PDE4D: variants seen among roughly 807,000 people sequenced by gnomAD.
The protein encoded by PDE4D is 3',5'-cyclic-AMP phosphodiesterase 4D.
A neutral mutation model predicts 87.4 loss-of-function variants in PDE4D; 24 were observed. That is an observed-to-expected ratio of 0.27 (90% CI 0.20 to 0.39). The LOEUF (loss-of-function observed/expected upper bound fraction) is 0.39, where lower values mean the gene tolerates loss of function less well. PDE4D is among the 10% of genes least tolerant of loss of function. The pLI, the probability that PDE4D is intolerant of heterozygous loss-of-function variation, is 1.00. For missense variants in PDE4D, 714 were observed against 1,041.0 expected (o/e 0.69, Z 4.32); for synonymous variants, 384 against 383.2 (o/e 1.00, Z -0.02).
chr5:59,576,088 C>T (rs2153698165), intron 1 of PDE4D, among the ~76,000 whole-genome samples: 1 of 152,310 alleles, frequency 6.6e-6, no homozygotes, highest in East Asian at 1.9e-4. Flanking sequence ...TAACCATTCA[C>T]AGCTAGTTGC....
At chr5:59,492,899 C>T (rs918827134) in intron 1 of PDE4D, among the ~76,000 whole-genome samples, 4 of 152,086 alleles carry the variant, frequency 2.6e-5, no homozygotes, top group African/African-American at 9.7e-5. Flanking sequence ...TGCCTGCCAC[C>T]ATCCATATAA....
chr5:60,368,156 G>T (rs906125814), intron 1 of PDE4D, among the ~76,000 whole-genome samples: 1 of 152,110 alleles, frequency 6.6e-6, no homozygotes, highest in African/African-American at 2.4e-5. Flanking sequence ...AAATAACAAC[G>T]ATAAGTTTTC....
At chr5:60,447,083 C>T (rs1229137159) in intron 1 of PDE4D, among the ~76,000 whole-genome samples, 2 of 152,112 alleles carry the variant, frequency 1.3e-5, no homozygotes, top group African/African-American at 4.8e-5. Flanking sequence ...CACAGGAGCA[C>T]TTGCACACCA....
intron 1 of PDE4D, among the ~76,000 whole-genome samples, chr5:59,799,175 C>G (rs1291840963): frequency 6.6e-6 from 1 of 152,196 alleles, no homozygotes; most frequent in African/African-American, 2.4e-5. Flanking sequence ...TATTCACACA[C>G]CCAAGTAACC....
At position 60,199,941 on chromosome 5, in the gene PDE4D, C is replaced by T. The variant is rs963185019; in HGVS notation, c.-89-14254G>A. 2.6e-5 allele frequency among the ~76,000 whole-genome samples: 4 copies of T among 151,536 alleles called. 1 individual carries two copies. The highest frequency in any genetic ancestry group is 5.9e-5 in the Non-Finnish European group (4 of 67,750). Reference sequence around the variant, plus strand: ...TGTAATTCCTATTCTTTGCTTATGGCAAGAGAACAGAATTAGAGTATTAAA... The same window carrying T: ...TGTAATTCCTATTCTTTGCTTATGGTAAGAGAACAGAATTAGAGTATTAAA... On this transcript the variant is annotated intron_variant, in intron 1 of 16. Coordinates refer to the PDE4D transcript ENST00000502484.
At chr5:59,777,645 T>C (rs771658431) in intron 1 of PDE4D, among the ~76,000 whole-genome samples, 3 of 152,164 alleles carry the variant, frequency 2.0e-5, no homozygotes, top group Non-Finnish European at 4.4e-5. Flanking sequence ...TTAGATTATG[T>C]AGGTATTGAT....
At chr5:60,106,061 G>T (rs1776870951) in intron 2 of PDE4D, among the ~76,000 whole-genome samples, 1 of 152,022 alleles carries the variant, frequency 6.6e-6, no homozygotes, top group South Asian at 2.1e-4. Context: ...ACACAGACTG[G>T]CAAATTGGAT....
intron 2 of PDE4D, among the ~76,000 whole-genome samples, chr5:60,070,753 G>T (rs947025125): frequency 3.2e-4 from 49 of 151,972 alleles, no homozygotes; most frequent in Non-Finnish European, 5.6e-4. Context: ...AGAAGAAATG[G>T]TATAAATTTT....
intron 1 of PDE4D, among the ~76,000 whole-genome samples, chr5:59,828,410 A>G (rs1335591917): frequency 3.9e-5 from 6 of 152,068 alleles, no homozygotes; most frequent in African/African-American, 1.4e-4. Flanking sequence ...GTGAGGGTAT[A>G]AAATACATGT....
chr5:59,536,366 G>A (rs986279252), intron 1 of PDE4D, among the ~76,000 whole-genome samples: 1 of 151,476 alleles, frequency 6.6e-6, no homozygotes, highest in Admixed American at 6.6e-5. Context: ...TTAGCCAGGC[G>A]TGGTGGCAGG....
chr5:60,254,543 T>G (rs552116547), intron 1 of PDE4D, among the ~76,000 whole-genome samples: 1 of 151,888 alleles, frequency 6.6e-6, no homozygotes. Flanking sequence ...CAGCAATTAA[T>G]AGACAGGGTT....
chr5:59,530,454 G>C, intron 1 of PDE4D, among the ~76,000 whole-genome samples: 1 of 152,074 alleles, frequency 6.6e-6, no homozygotes. Flanking sequence ...CATAGTATTT[G>C]TATATAACCT....
chr5:59,594,318 T>A (rs1237720260), intron 1 of PDE4D, among the ~76,000 whole-genome samples: 1 of 150,412 alleles, frequency 6.6e-6, no homozygotes, highest in Admixed American at 6.6e-5. Context: ...ATTTATTTAT[T>A]TATTTATTTA....
At chr5:59,122,015 G>T (rs13182805) in intron 5 of PDE4D, among the ~76,000 whole-genome samples, 20,943 of 151,596 alleles carry the variant, frequency 0.14, 1,535 homozygotes, top group African/African-American at 0.19. Flanking sequence ...GGTGGCACTC[G>T]CCTGTAGTCC....
chr5:59,882,626 A>G (rs761678284), intron 1 of PDE4D, among the ~76,000 whole-genome samples: 1 of 152,160 alleles, frequency 6.6e-6, no homozygotes, highest in Non-Finnish European at 1.5e-5. Flanking sequence ...GTGTCAATCC[A>G]TGTATTTAAT....
At chr5:60,331,653 T>C (rs1757316557) in intron 1 of PDE4D, among the ~76,000 whole-genome samples, 1 of 152,176 alleles carries the variant, frequency 6.6e-6, no homozygotes, top group Non-Finnish European at 1.5e-5. Context: ...ATATGATTAC[T>C]TGGACTTACA....
rs143471349 is a variant in PDE4D, at chr5:59,080,314, C to T, written c.809-41343G>A. Among the ~76,000 whole-genome samples the T allele has an allele frequency of 9.2e-5, 14 of 152,258 alleles. 1 individual carries two copies. The highest frequency in any genetic ancestry group is 8.3e-4 in the South Asian group (4 of 4,816). ...ACTCTGTAGCCCTCAGTTTCCTCAACGCTAAATTGATCACTACAGTTCCTT... is the reference window on the plus strand; with the variant it reads ...ACTCTGTAGCCCTCAGTTTCCTCAATGCTAAATTGATCACTACAGTTCCTT... On this transcript the variant is annotated intron_variant, in intron 5 of 14. Coordinates refer to ENST00000340635, the MANE Select transcript of PDE4D (RefSeq NM_001104631.2).
chr5:59,778,777 T>G (rs1363518100), intron 1 of PDE4D, among the ~76,000 whole-genome samples: 1 of 152,226 alleles, frequency 6.6e-6, no homozygotes, highest in Non-Finnish European at 1.5e-5. Context: ...GTTTTACTAT[T>G]TTTTATGCTT....
At chr5:60,135,927 C>A (rs1779999634) in intron 2 of PDE4D, among the ~76,000 whole-genome samples, 1 of 152,130 alleles carries the variant, frequency 6.6e-6, no homozygotes, top group Non-Finnish European at 1.5e-5. Flanking sequence ...GACAATAGAC[C>A]TTCCCTTCTC....
Sources: gnomAD v4.1 joint callset for allele counts (sites outside exome capture counted in the v4.1 genomes callset) on GRCh38, gnomAD v4.1.1 for gene constraint, MANE v1.5 for transcripts, NCBI Gene and HGNC (gene_info 2026-07-23, HGNC 2026-07-21) for gene names.